SGPL1: variants seen among roughly 807,000 people sequenced by gnomAD.
The protein encoded by SGPL1 is SP-lyase 1.
Under a neutral mutation model 68.9 loss-of-function variants are expected in SGPL1, and 37 were observed. The ratio of observed to expected loss-of-function variants is 0.54; its 90% CI spans 0.41 to 0.71. The LOEUF is 0.71. Ranked by LOEUF, SGPL1 falls within the 30% of genes least tolerant of loss-of-function variation. The pLI is 0.00. For missense variants in SGPL1, 551 were observed against 704.6 expected, an observed-to-expected ratio of 0.78 and a Z score of 2.47; for synonymous variants, 236 against 248.5, an observed-to-expected ratio of 0.95 and a Z score of 0.47.
chr10:70,853,142 AC>A (rs1212161005), intron 4 of SGPL1, among the ~76,000 whole-genome samples: 2 of 152,232 alleles, frequency 1.3e-5, no homozygotes, highest in African/African-American at 2.4e-5. Context: ...TTTTTAATTT[AC>A]AACTTAAAAA....
intron 3 of SGPL1, among the ~76,000 whole-genome samples, chr10:70,848,059 C>T (rs1277384765): frequency 6.6e-6 from 1 of 152,170 alleles, no homozygotes; most frequent in Non-Finnish European, 1.5e-5. Context: ...TACTTTAATG[C>T]TGATTTTAAC....
intron 2 of SGPL1, among the ~76,000 whole-genome samples, chr10:70,828,000 A>G (rs529370547): frequency 6.3e-4 from 96 of 152,328 alleles, no homozygotes; most frequent in South Asian, 3.7e-3. Context: ...TAGTGTTACA[A>G]TGTATAACTA....
chr10:70,825,027 C>T lies in SGPL1; in HGVS notation c.27+8147C>T, dbSNP rs187045039. Reference sequence around the variant, plus strand: ...TCGCCCAGGCTAGAGTGCAGTGGCTCGATCTCGGCTCACTGCAACCTCCGC... The same window carrying T: ...TCGCCCAGGCTAGAGTGCAGTGGCTTGATCTCGGCTCACTGCAACCTCCGC... On this transcript the variant is annotated intron_variant, in intron 2 of 14. Transcript: ENST00000373202. Among the ~76,000 whole-genome samples the T allele has an allele frequency of 9.9e-3, 1,460 of 147,648 alleles. 30 individuals carry two copies. Among genetic ancestry groups the T allele is most frequent in the African/African-American group, 0.032 (1,257 of 39,842 alleles).
At chr10:70,868,975 G>A (rs1846243303) in intron 8 of SGPL1, among the ~76,000 whole-genome samples, 1 of 152,172 alleles carries the variant, frequency 6.6e-6, no homozygotes, top group Non-Finnish European at 1.5e-5. Context: ...TTCCTAGACT[G>A]TCCCCTTGTA....
chr10:70,816,262 G>C (rs1383932888), intron 1 of SGPL1, 136 bp downstream of exon 1: 2 of 150,402 alleles, frequency 1.3e-5, no homozygotes, highest in African/African-American at 4.9e-5. Flanking sequence ...GCGGGGGCGG[G>C]GGCGGGCTGA....
At chr10:70,864,817 T>C (rs1472079518) in intron 7 of SGPL1, among the ~76,000 whole-genome samples, 1 of 152,224 alleles carries the variant, frequency 6.6e-6, no homozygotes, top group Non-Finnish European at 1.5e-5. Context: ...ACCATTTGGC[T>C]GGGGACAAAG....
chr10:70,843,578 A>G (rs941312305), intron 2 of SGPL1, among the ~76,000 whole-genome samples: 2 of 152,250 alleles, frequency 1.3e-5, no homozygotes, highest in East Asian at 3.8e-4. Flanking sequence ...GGACTTATCA[A>G]AAATGAGTAC....
chr10:70,841,345 A>G (rs934605815), intron 2 of SGPL1, among the ~76,000 whole-genome samples: 5 of 152,326 alleles, frequency 3.3e-5, no homozygotes, highest in Admixed American at 1.3e-4. Context: ...TCAGGCTGCT[A>G]TAACAAAATG....
chr10:70,877,170 A>G, intron 14 of SGPL1, 25 bp from the exon 15 acceptor site: 1 of 1,613,114 alleles, frequency 6.2e-7, no homozygotes, highest in Non-Finnish European at 8.5e-7. Context: ...CCTCACTAAT[A>G]ATGTCTCTTT....
chr10:70,868,438 G>A lies in SGPL1; in HGVS notation c.704+5G>A. ...GGGGATCAAAACTCCAGAAATGTATGTATGTGTGGCTGTTTTGTCCCCTTT... is the reference window on the plus strand; with the variant it reads ...GGGGATCAAAACTCCAGAAATGTATATATGTGTGGCTGTTTTGTCCCCTTT... On this transcript the variant is annotated splice_donor_5th_base_variant and intron_variant, in intron 8 of 14. Transcript: ENST00000373202. The A allele has an allele frequency of 3.7e-6, 6 of 1,610,320 alleles. No individual in the cohort carries two copies. Among genetic ancestry groups the A allele is most frequent in the Non-Finnish European group, 5.1e-6 (6 of 1,176,600 alleles).
chr10:70,855,667 A>T (rs1342387350), intron 5 of SGPL1, among the ~76,000 whole-genome samples: 1 of 152,242 alleles, frequency 6.6e-6, no homozygotes, highest in Non-Finnish European at 1.5e-5. Context: ...TTATTAACTC[A>T]AACAGATTTA....
intron 9 of SGPL1, among the ~76,000 whole-genome samples, chr10:70,870,749 C>T (rs868513056): frequency 3.9e-5 from 6 of 152,300 alleles, no homozygotes; most frequent in African/African-American, 9.6e-5. Context: ...ACTGCTGGTA[C>T]GTTGTGGGGC....
chr10:70,834,339 A>G (rs1450924262), intron 2 of SGPL1, among the ~76,000 whole-genome samples: 1 of 152,172 alleles, frequency 6.6e-6, no homozygotes, highest in East Asian at 1.9e-4. Flanking sequence ...AATATTGAAG[A>G]AGAAGATAGA....
rs1451585915 is a variant in SGPL1, at chr10:70,816,004, C to A, written c.-166C>A. 1 of 151,456 alleles carries A rather than the reference C, an allele frequency of 6.6e-6. No homozygotes were observed. The allele number at this position is 151,456 out of a possible 1,614,324, so 9.4% of individuals were successfully genotyped here. ...GGGCCTCCAATCTCGGCGGCGGCGG[C>A]GGCAACAGGGGAGCCTGGGTCTCGC... On this transcript the variant is annotated 5_prime_UTR_variant, in exon 1 of 15. Coordinates refer to ENST00000373202, the MANE Select transcript of SGPL1 (RefSeq NM_003901.4).
At chr10:70,844,429 CT>C in intron 2 of SGPL1, 43 bp from the exon 3 acceptor site, 1 of 1,559,050 alleles carries the variant, frequency 6.4e-7, no homozygotes, top group East Asian at 2.3e-5. Context: ...GACTTCTTTT[CT>C]CTCTCTAAAT....
rs1360452938 is a variant in SGPL1, at chr10:70,880,581, A to G, written c.*3246A>G. On this transcript the variant is annotated 3_prime_UTR_variant, in exon 15 of 15. Transcript: ENST00000373202. ...GGTTTAGGGGCTAACAGAGCTCCTC[A>G]GATAATCTTCACACACATGTAACTG... The G allele has an allele frequency of 1.3e-5, 2 of 152,224 alleles. No homozygotes were observed. Among genetic ancestry groups the G allele is most frequent in the African/African-American group, 2.4e-5 (1 of 41,444 alleles). 9.4% of individuals were successfully genotyped at this position (152,224 alleles called of 1,614,324 possible). A position where few individuals can be genotyped will look rare whatever the true frequency, so the allele number is the denominator to read the frequency against.
intron 7 of SGPL1, among the ~76,000 whole-genome samples, chr10:70,861,177 A>G (rs1237182968): frequency 6.6e-6 from 1 of 151,794 alleles, no homozygotes; most frequent in Non-Finnish European, 1.5e-5. Flanking sequence ...CCAAAATCAC[A>G]TTTATGGAAC....
chr10:70,832,299 C>T (rs781549750), intron 2 of SGPL1, among the ~76,000 whole-genome samples: 2 of 152,174 alleles, frequency 1.3e-5, no homozygotes, highest in Non-Finnish European at 2.9e-5. Context: ...TTCTTTTGAG[C>T]AGGCTTACGT....
intron 10 of SGPL1, among the ~76,000 whole-genome samples, chr10:70,871,425 T>C (rs982112891): frequency 6.6e-6 from 1 of 152,176 alleles, no homozygotes; most frequent in Non-Finnish European, 1.5e-5. Flanking sequence ...GGAAATAATC[T>C]GCATGTAGGA....
Sources: allele counts gnomAD v4.1 joint callset (sites outside exome capture counted in the v4.1 genomes callset), GRCh38; gene constraint gnomAD v4.1.1; transcripts MANE v1.5; gene names NCBI Gene and HGNC (gene_info 2026-07-23, HGNC 2026-07-21).